The following CNBD1 variants were observed in gnomAD, a reference collection of about 807,000 sequenced individuals.
The protein encoded by CNBD1 is cyclic nucleotide binding domain containing 1.
Under a neutral mutation model 54.4 loss-of-function variants are expected in CNBD1, and 71 were observed. The ratio of observed to expected loss-of-function variants is 1.30; its 90% CI spans 1.08 to 1.59. The LOEUF (loss-of-function observed/expected upper bound fraction) is 1.59, where lower values mean the gene tolerates loss of function less well. CNBD1 is among the 40% of genes most tolerant of loss of function. The probability of loss-of-function intolerance (pLI) is 0.00; values close to 1 mark genes in which losing one functional copy is unlikely to be tolerated. For missense variants in CNBD1, 659 were observed against 518.0 expected (o/e 1.27, Z -2.64); for synonymous variants, 182 against 170.7 (o/e 1.07, Z -0.51).
chr8:87,256,011 A>ATC (rs1563526133), intron 6 of CNBD1, among the ~76,000 whole-genome samples: 1 of 19,258 alleles, frequency 5.2e-5, no homozygotes, highest in South Asian at 3.1e-3. Context: ...ATATATATAT[A>ATC]TATATTTTTT....
intron 10 of CNBD1, among the ~76,000 whole-genome samples, chr8:87,361,796 T>TG (rs140033034): frequency 0.059 from 8,850 of 150,648 alleles, 300 homozygotes; most frequent in African/African-American, 0.074. Flanking sequence ...AAGAAATAGA[T>TG]GGGGGGGTAG....
At chr8:87,395,582 T>C (rs1174643857) in intron 2 of CNBD1, among the ~76,000 whole-genome samples, 1 of 151,910 alleles carries the variant, frequency 6.6e-6, no homozygotes, top group African/African-American at 2.4e-5. Flanking sequence ...ACCTTTGTGT[T>C]AACTCTTCTG....
rs758083191 is a variant in CNBD1 at position 87,334,719 on chromosome 8, C to CTTTTTTTTTTTTTTTTTTTTTTTT, written c.1043-16962_1043-16961insTTTTTTTTTTTTTTTTTTTTTTTT. ...TCTTTTTTCTTTTCTTTTCTTTTTTCTTTTCTTTTTTTTTTTTTAAGATGG... is the reference window on the plus strand; with the variant it reads ...TCTTTTTTCTTTTCTTTTCTTTTTTCTTTTTTTTTTTTTTTTTTTTTTTTTTTTCTTTTTTTTTTTTTAAGATGG... On this transcript the variant is annotated intron_variant, in intron 8 of 10. Transcript: ENST00000518476. 3.2e-5 allele frequency among the ~76,000 whole-genome samples: 4 copies of CTTTTTTTTTTTTTTTTTTTTTTTT among 126,144 alleles called. 1 individual carries two copies. Among genetic ancestry groups the CTTTTTTTTTTTTTTTTTTTTTTTT allele is most frequent in the Non-Finnish European group, 5.1e-5 (3 of 58,650 alleles). The allele number at this position is 126,144 out of a possible 152,430, so 82.8% of individuals were successfully genotyped here. A position where few individuals can be genotyped will look rare whatever the true frequency, so the allele number is the denominator to read the frequency against.
At chr8:87,428,400 G>C (rs887029598) in intron 2 of CNBD1, 1 of 316,288 alleles carries the variant, frequency 3.2e-6, no homozygotes, top group Admixed American at 4.5e-5. Context: ...GAACTTAGAA[G>C]TACTAATGAA....
chr8:87,420,483 ATGT>A (rs1341733877), intron 2 of CNBD1, among the ~76,000 whole-genome samples: 2 of 152,078 alleles, frequency 1.3e-5, no homozygotes, highest in African/African-American at 4.8e-5. Context: ...CTTTGTTGAA[ATGT>A]TGTGAGAAAA....
chr8:87,133,394 A>G (rs1292691500), intron 4 of CNBD1, among the ~76,000 whole-genome samples: 1 of 152,008 alleles, frequency 6.6e-6, no homozygotes, highest in East Asian at 1.9e-4. Context: ...CACACTCTAA[A>G]CTCCATCTTT....
At chr8:87,412,499 C>T (rs1005813942) in intron 2 of CNBD1, among the ~76,000 whole-genome samples, 3 of 151,948 alleles carry the variant, frequency 2.0e-5, no homozygotes, top group African/African-American at 7.2e-5. Context: ...AGACACTCAC[C>T]CACATGGTCC....
chr8:87,216,803 A>G (rs1814221510), intron 5 of CNBD1, among the ~76,000 whole-genome samples: 2 of 152,320 alleles, frequency 1.3e-5, no homozygotes, highest in South Asian at 4.1e-4. Flanking sequence ...TATAGTATCA[A>G]GGAAACTTGT....
chr8:87,068,156 T>C (rs1381906519), intron 4 of CNBD1, among the ~76,000 whole-genome samples: 1 of 151,900 alleles, frequency 6.6e-6, no homozygotes, highest in African/African-American at 2.4e-5. Flanking sequence ...CATGACTTAC[T>C]GGGTTACTCA....
chr8:87,378,631 C>A (rs6984445), intron 10 of CNBD1, among the ~76,000 whole-genome samples: 106,731 of 143,918 alleles, frequency 0.74, 41,054 homozygotes, highest in African/African-American at 0.9. Context: ...TGACTTGGCT[C>A]TGCAGGCTCT....
At chr8:87,036,091 A>T (rs1036086054) in intron 4 of CNBD1, among the ~76,000 whole-genome samples, 7 of 152,108 alleles carry the variant, frequency 4.6e-5, no homozygotes, top group Non-Finnish European at 5.9e-5. Context: ...GGAGATAGAG[A>T]TTAGAGGATA....
rs576719075 is a variant in CNBD1, at chr8:86,968,543, C to T, written c.431+28789C>T. On this transcript the variant is annotated intron_variant, in intron 4 of 10. Coordinates refer to ENST00000518476, the MANE Select transcript of CNBD1 (RefSeq NM_173538.3). ...GAGGTTTATCCGCCAAAGTTAAGGA[C>T]GTGCACCAGGGAGGCAGGTCTATGC... 4.6e-5 allele frequency among the ~76,000 whole-genome samples: 7 copies of T among 152,288 alleles called. No individual in the cohort carries two copies. The East Asian group carries it at 7.7e-4, about 17-fold the overall frequency.
At chr8:87,282,319 T>C (rs1476897613) in intron 6 of CNBD1, among the ~76,000 whole-genome samples, 1 of 151,710 alleles carries the variant, frequency 6.6e-6, no homozygotes, top group Non-Finnish European at 1.5e-5. Flanking sequence ...CTAAAATTAT[T>C]ATATATCAAT....
chr8:87,149,565 T>C (rs565951006), intron 4 of CNBD1, among the ~76,000 whole-genome samples: 14 of 152,260 alleles, frequency 9.2e-5, no homozygotes, highest in Non-Finnish European at 1.9e-4. Context: ...CCTATCCTGA[T>C]TCAGTTGGTG....
intron 4 of CNBD1, among the ~76,000 whole-genome samples, chr8:87,026,687 G>T: frequency 6.6e-6 from 1 of 151,872 alleles, no homozygotes; most frequent in South Asian, 2.1e-4. Flanking sequence ...ATACATCTTT[G>T]TTTTCATAAC....
intron 8 of CNBD1, among the ~76,000 whole-genome samples, chr8:87,319,827 ATGCTTAGATAAG>A (rs771611364): frequency 8.5e-5 from 13 of 152,102 alleles, no homozygotes; most frequent in Non-Finnish European, 1.8e-4. Context: ...TGTTCATTTT[ATGCTTAGATAAG>A]TGATAAAGGT....
chr8:87,237,680 G>A (rs1182880072), intron 6 of CNBD1, among the ~76,000 whole-genome samples: 1 of 152,088 alleles, frequency 6.6e-6, no homozygotes, highest in African/African-American at 2.4e-5. Flanking sequence ...GGTCTGAATT[G>A]ACTAGAATTG....
intron 10 of CNBD1, among the ~76,000 whole-genome samples, chr8:87,375,571 T>C (rs1328792977): frequency 6.6e-6 from 1 of 151,846 alleles, no homozygotes; most frequent in Admixed American, 6.6e-5. Flanking sequence ...ATCACACAGA[T>C]TCTATTTTCT....
At chr8:86,969,939 T>C (rs913506153) in intron 4 of CNBD1, among the ~76,000 whole-genome samples, 4 of 150,988 alleles carry the variant, frequency 2.6e-5, no homozygotes, top group Non-Finnish European at 5.9e-5. Flanking sequence ...TTTCTTTTCA[T>C]TTTTTTTCTG....
Sources: gnomAD v4.1 joint callset for allele counts (sites outside exome capture counted in the v4.1 genomes callset) on GRCh38, gnomAD v4.1.1 for gene constraint, MANE v1.5 for transcripts, NCBI Gene and HGNC (gene_info 2026-07-23, HGNC 2026-07-21) for gene names.